The following SCAF8 variants were observed in gnomAD, a reference collection of about 807,000 sequenced individuals.
SCAF8 encodes SR-related and CTD-associated factor 8.
Under a neutral mutation model 140.5 loss-of-function variants are expected in SCAF8, and 23 were observed. That is an observed-to-expected ratio of 0.16 (90% confidence interval 0.12 to 0.23). The LOEUF (loss-of-function observed/expected upper bound fraction) is 0.23, where lower values mean the gene tolerates loss of function less well. SCAF8 is among the 10% of genes least tolerant of loss of function. The pLI is 1.00. For missense variants in SCAF8, 1,397 were observed against 1,555.7 expected, an observed-to-expected ratio of 0.90 and a Z score of 1.72; for synonymous variants, 575 against 528.9, an observed-to-expected ratio of 1.09 and a Z score of -1.20.
At chr6:154,799,021 C>G (rs1045059966) in intron 6 of SCAF8, among the ~76,000 whole-genome samples, 1 of 150,880 alleles carries the variant, frequency 6.6e-6, no homozygotes, top group Non-Finnish European at 1.5e-5. Context: ...CTTAGCCTGT[C>G]ACCCAGGCTG....
chr6:154,805,067 A>G (rs1777873510), intron 8 of SCAF8, among the ~76,000 whole-genome samples: 1 of 152,148 alleles, frequency 6.6e-6, no homozygotes, highest in Non-Finnish European at 1.5e-5. Context: ...GATTTTCTTA[A>G]TATGCTCTAA....
At chr6:154,807,481 A>G (rs1777956903) in intron 9 of SCAF8, among the ~76,000 whole-genome samples, 1 of 152,186 alleles carries the variant, frequency 6.6e-6, no homozygotes, top group Non-Finnish European at 1.5e-5. Flanking sequence ...CTCAGGTTCA[A>G]GCAGTTCTCT....
intron 6 of SCAF8, among the ~76,000 whole-genome samples, chr6:154,796,385 C>CTT (rs1272399073): frequency 2.6e-5 from 2 of 76,324 alleles, no homozygotes; most frequent in East Asian, 1.7e-3. Flanking sequence ...CTCTCTCTCT[C>CTT]TCTCTCTGTC....
chr6:154,797,381 A>G (rs1306255025), intron 6 of SCAF8, among the ~76,000 whole-genome samples: 1 of 151,118 alleles, frequency 6.6e-6, no homozygotes, highest in African/African-American at 2.4e-5. Flanking sequence ...TCTTTGCAAG[A>G]TTAATCTTTA....
At chr6:154,791,685 C>T (rs889492427) in intron 4 of SCAF8, among the ~76,000 whole-genome samples, 44 of 152,082 alleles carry the variant, frequency 2.9e-4, no homozygotes, top group Admixed American at 2.6e-4. Flanking sequence ...AGACCAGGAT[C>T]AGCAGCAACG....
intron 1 of SCAF8, among the ~76,000 whole-genome samples, chr6:154,768,865 C>A (rs537501539): frequency 1.3e-5 from 2 of 152,186 alleles, no homozygotes; most frequent in South Asian, 2.1e-4. Context: ...GTGTTTGAGA[C>A]CAGCCTAGCC....
intron 1 of SCAF8, among the ~76,000 whole-genome samples, chr6:154,757,565 A>T (rs1025080914): frequency 6.6e-6 from 1 of 152,234 alleles, no homozygotes; most frequent in East Asian, 1.9e-4. Flanking sequence ...TGAAAGTCAA[A>T]TCATCACATG....
chr6:154,809,192 T>C (rs1007719077), intron 11 of SCAF8, among the ~76,000 whole-genome samples: 3 of 152,208 alleles, frequency 2.0e-5, no homozygotes, highest in Admixed American at 2.0e-4. Flanking sequence ...AATTTATTTT[T>C]ATAAACATTA....
intron 2 of SCAF8, among the ~76,000 whole-genome samples, chr6:154,775,811 T>C (rs1358699331): frequency 6.6e-6 from 1 of 151,890 alleles, no homozygotes; most frequent in Non-Finnish European, 1.5e-5. Flanking sequence ...TATTTTATTA[T>C]TTTGACTTAC....
intron 1 of SCAF8, among the ~76,000 whole-genome samples, chr6:154,753,068 C>T (rs1778879375): frequency 6.6e-6 from 1 of 151,908 alleles, no homozygotes; most frequent in Non-Finnish European, 1.5e-5. Context: ...GTGGCTCACT[C>T]CTGTAATCCC....
At chr6:154,749,139 T>C (rs1401153351) in intron 1 of SCAF8, among the ~76,000 whole-genome samples, 1 of 152,134 alleles carries the variant, frequency 6.6e-6, no homozygotes, top group East Asian at 1.9e-4. Flanking sequence ...ATGGAGTTTC[T>C]CCTGGTTTAT....
intron 1 of SCAF8, among the ~76,000 whole-genome samples, chr6:154,744,841 C>G (rs1388545177): frequency 6.6e-6 from 1 of 152,128 alleles, no homozygotes; most frequent in East Asian, 1.9e-4. Context: ...CCTCCTGTAA[C>G]CATGTTTGCT....
rs755868257 is a variant in SCAF8, at chr6:154,810,082, C to T, written c.1294C>T (p.Arg432Cys). 1.4e-5 allele frequency: 23 copies of T among 1,613,650 alleles called. No homozygotes were observed. The highest frequency in any genetic ancestry group is 1.8e-5 in the Non-Finnish European group (21 of 1,179,866). ...SRKRKHRKRS[R>C]SRSRERKRKS... is the part of the protein sequence containing the mutation. ...AAAGCGTAAACACAGAAAGCGATCA[C>T]GCTCCCGCTCAAGAGAAAGAAAGAG... Residue 432 changes from arginine to cysteine, a missense_variant, in exon 12 of 20, where the codon CGC becomes TGC. Coordinates refer to ENST00000367178, the MANE Select transcript of SCAF8 (RefSeq NM_014892.5).
chr6:154,775,350 T>G (rs150809798), intron 2 of SCAF8, among the ~76,000 whole-genome samples: 14 of 152,364 alleles, frequency 9.2e-5, no homozygotes, highest in Non-Finnish European at 1.8e-4. Context: ...TTTATTCTCT[T>G]GTACTTTACT....
intron 16 of SCAF8, 146 bp downstream of exon 16, chr6:154,822,555 T>A: frequency 2.4e-6 from 2 of 831,194 alleles, no homozygotes; most frequent in Non-Finnish European, 3.5e-6. Flanking sequence ...ATATTTCTTT[T>A]AAATAAAAAA....
At position 154,795,075 on chromosome 6, in the gene SCAF8, A is replaced by G. The variant is rs750401445; in HGVS notation, c.542A>G (p.Gln181Arg). Residue 181 changes from glutamine to arginine, a missense_variant, in exon 6 of 20, where the codon CAG becomes CGG. Physicochemically the swap from Gln to Arg is conservative, Grantham distance 43. Around this residue, in one of 5 missense-constraint regions of SCAF8, gnomAD observed 339 missense variants for 407.5 expected, o/e 0.83. Coordinates refer to ENST00000367178, the MANE Select transcript of SCAF8 (RefSeq NM_014892.5). ...VQGLPDPWVS[Q>R]ITNTDTLAAV... ...GGCTTACCTGATCCGTGGGTATCTC[A>G]GATAACAAATACAGATACACTTGCG... 8.1e-6 allele frequency: 13 copies of G among 1,613,356 alleles called. No individual in the cohort carries two copies. The South Asian group carries it at 1.4e-4, about 18-fold the overall frequency.
chr6:154,831,843 C>T (rs532268532), intron 19 of SCAF8, 96 bp from the exon 20 acceptor site: 12 of 995,504 alleles, frequency 1.2e-5, no homozygotes, highest in Admixed American at 8.4e-5. Flanking sequence ...GCTAATGTAC[C>T]TTGATTATTG....
intron 9 of SCAF8, among the ~76,000 whole-genome samples, chr6:154,807,534 C>T (rs1230094005): frequency 6.6e-6 from 1 of 152,164 alleles, no homozygotes; most frequent in Non-Finnish European, 1.5e-5. Flanking sequence ...CATCCGCCAC[C>T]GTGCCCTGCT....
At chr6:154,786,763 C>T (rs920735949) in intron 3 of SCAF8, among the ~76,000 whole-genome samples, 5 of 152,144 alleles carry the variant, frequency 3.3e-5, no homozygotes, top group African/African-American at 7.2e-5. Context: ...TCTAATGGTA[C>T]GTAAAGAGGA....
Sources: gnomAD v4.1 joint callset for allele counts (sites outside exome capture counted in the v4.1 genomes callset) on GRCh38, gnomAD v4.1.1 for gene constraint, gnomAD v4.1.1 regional missense constraint, MANE v1.5 for transcripts, NCBI Gene and HGNC (gene_info 2026-07-23, HGNC 2026-07-21) for gene names.